Variants in ACSM1 observed in about 807,000 individuals in gnomAD.
ACSM1 encodes acyl-CoA synthetase medium chain family member 1.
In ACSM1, 79 loss-of-function variants were observed where a neutral mutation model predicts 75.8. The observed-to-expected ratio is 1.04, with a 90% confidence interval of 0.87 to 1.26. The LOEUF (loss-of-function observed/expected upper bound fraction) is 1.26, where lower values mean the gene tolerates loss of function less well. ACSM1 is among the 50% of genes most tolerant of loss of function. The pLI, the probability that ACSM1 is intolerant of heterozygous loss-of-function variation, is 0.00. For missense variants in ACSM1, 676 were observed against 720.1 expected, an observed-to-expected ratio of 0.94 and a Z score of 0.70; for synonymous variants, 279 against 265.8, an observed-to-expected ratio of 1.05 and a Z score of -0.48.
chr16:20,661,035 T>C (rs757039483), intron 7 of ACSM1, among the ~76,000 whole-genome samples: 9 of 152,170 alleles, frequency 5.9e-5, no homozygotes, highest in South Asian at 2.1e-4. Context: ...TGTATCAGTG[T>C]GACCCGCAAT....
intron 2 of ACSM1, among the ~76,000 whole-genome samples, chr16:20,689,339 G>A (rs1276718124): frequency 6.6e-6 from 1 of 151,992 alleles, no homozygotes; most frequent in South Asian, 2.1e-4. Context: ...ATCAAAGTGT[G>A]TCACTACAAA....
chr16:20,665,235 AT>A (rs1356715294), intron 6 of ACSM1, among the ~76,000 whole-genome samples: 1 of 152,186 alleles, frequency 6.6e-6, no homozygotes, highest in Non-Finnish European at 1.5e-5. Context: ...AATAAACAAT[AT>A]TGATAGACTG....
chr16:20,624,119 C>T lies in ACSM1; in HGVS notation c.1624G>A (p.Ala542Thr). Reference protein sequence around the residue: ...ELQQHVKSVTAPYKYPRKVEF... With the variant: ...ELQQHVKSVTTPYKYPRKVEF... ...ACCTTCCTTGGGTACTTGTATGGGG[C>T]TGTCACTGACTTGACATGCTGCTGC... Residue 542 changes from alanine (A) to threonine (T), a missense_variant, in exon 13 of 14, where the codon GCC becomes ACC. By Grantham distance (58) the Ala-to-Thr change is moderately conservative. Transcript: ENST00000520010. 6.2e-7 allele frequency: 1 copy of T among 1,613,074 alleles called. No individual in the cohort carries two copies. Among genetic ancestry groups the T allele is most frequent in the Non-Finnish European group, 8.5e-7 (1 of 1,179,294 alleles).
chr16:20,653,713 C>G (rs1272698737), intron 7 of ACSM1, among the ~76,000 whole-genome samples: 1 of 152,144 alleles, frequency 6.6e-6, no homozygotes, highest in East Asian at 1.9e-4. Context: ...TGAAGGACCT[C>G]TTCAAGGAGA....
chr16:20,678,230 A>G (rs1004377620), intron 4 of ACSM1, among the ~76,000 whole-genome samples: 1 of 152,062 alleles, frequency 6.6e-6, no homozygotes, highest in Admixed American at 6.5e-5. Flanking sequence ...GAGGCTAGCC[A>G]TCCCTGAAAC....
intron 6 of ACSM1, among the ~76,000 whole-genome samples, chr16:20,663,074 A>G (rs1426089191): frequency 6.6e-6 from 1 of 152,068 alleles, no homozygotes; most frequent in African/African-American, 2.4e-5. Flanking sequence ...GGCCTTTGGG[A>G]CACCAATCTC....
chr16:20,635,298 G>T (rs372354363), intron 10 of ACSM1, among the ~76,000 whole-genome samples: 4 of 152,208 alleles, frequency 2.6e-5, no homozygotes, highest in Non-Finnish European at 5.9e-5. Flanking sequence ...GGGAGGCTGA[G>T]TTGGGAATAT....
At chr16:20,694,848 G>A (rs2079681167) in intron 1 of ACSM1, among the ~76,000 whole-genome samples, 1 of 152,140 alleles carries the variant, frequency 6.6e-6, no homozygotes. Context: ...TATGACTGGT[G>A]TCCTTATAAA....
At position 20,685,271 on chromosome 16, in the gene ACSM1, G is replaced by T. The variant is rs1358261947; in HGVS notation, c.325C>A (p.Gln109Lys). Residue 109 changes from glutamine to lysine, a missense_variant, in exon 3 of 14, where the codon CAA (glutamine) becomes AAA (lysine). By Grantham distance (53) the Gln-to-Lys change is moderately conservative. Transcript: ENST00000520010. The stretch of plus-strand genomic sequence containing the variant: ...ATCAAGGCCAGATGGTCTCCCTGTT[G>T]TAGGCCACAGGTCTGTGTGAAGACG... Reference protein sequence around the residue: ...ANVFTQTCGLQQGDHLALMLP... With the variant: ...ANVFTQTCGLKQGDHLALMLP... 1.2e-6 allele frequency: 2 copies of T among 1,614,206 alleles called. No individual in the cohort carries two copies. The highest frequency in any genetic ancestry group is 2.2e-5 in the East Asian group (1 of 44,878).
At chr16:20,695,554 G>A (rs1424569614) in intron 1 of ACSM1, among the ~76,000 whole-genome samples, 4 of 151,238 alleles carry the variant, frequency 2.6e-5, no homozygotes, top group Non-Finnish European at 5.9e-5. Context: ...CTGATTATCT[G>A]TCTATCTATC....
At chr16:20,633,202 T>C (rs2017454627) in intron 10 of ACSM1, among the ~76,000 whole-genome samples, 1 of 152,148 alleles carries the variant, frequency 6.6e-6, no homozygotes, top group African/African-American at 2.4e-5. Context: ...GCATCTGAAT[T>C]GGAAAGATGA....
intron 4 of ACSM1, among the ~76,000 whole-genome samples, chr16:20,678,831 A>C (rs146651577): frequency 2.5e-3 from 376 of 152,356 alleles, no homozygotes; most frequent in African/African-American, 8.2e-3. Context: ...AGGTAGGATC[A>C]GGTCTTGCCC....
At chr16:20,656,456 C>A (rs80309354) in intron 7 of ACSM1, among the ~76,000 whole-genome samples, 4,152 of 152,052 alleles carry the variant, frequency 0.027, 178 homozygotes, top group African/African-American at 0.095. Flanking sequence ...GCACCCCACC[C>A]CACCGAGTGG....
At chr16:20,630,484 A>G (rs1291944387) in intron 10 of ACSM1, among the ~76,000 whole-genome samples, 2 of 152,240 alleles carry the variant, frequency 1.3e-5, no homozygotes, top group Non-Finnish European at 2.9e-5. Context: ...ATAATCATAA[A>G]CATATAAGCA....
chr16:20,647,188 G>A (rs1350689721), intron 7 of ACSM1, among the ~76,000 whole-genome samples: 1 of 152,198 alleles, frequency 6.6e-6, no homozygotes, highest in Non-Finnish European at 1.5e-5. Flanking sequence ...TGTTTTTGCA[G>A]GAGATAAATG....
At chr16:20,669,794 A>C in intron 6 of ACSM1, 33 bp downstream of exon 6, 3 of 1,598,734 alleles carry the variant, frequency 1.9e-6, no homozygotes, top group Non-Finnish European at 1.7e-6. Flanking sequence ...TTTTTCTGGA[A>C]TTTTGCTGAT....
At chr16:20,623,669 G>T in intron 13 of ACSM1, 97 bp from the exon 14 acceptor site, 3 of 1,228,156 alleles carry the variant, frequency 2.4e-6, no homozygotes, top group Non-Finnish European at 3.5e-6. Context: ...AGTCTCCCAT[G>T]CAGGCTGACA....
At chr16:20,632,473 C>T (rs1284101225) in intron 10 of ACSM1, among the ~76,000 whole-genome samples, 1 of 151,994 alleles carries the variant, frequency 6.6e-6, no homozygotes. Flanking sequence ...CACAATCTAC[C>T]AAAAACAGGA....
chr16:20,695,971 C>G lies in ACSM1; in HGVS notation c.-52+1665G>C, dbSNP rs185467340. On this transcript the variant is annotated intron_variant, in intron 1 of 13. Coordinates refer to ENST00000520010, the MANE Select transcript of ACSM1 (RefSeq NM_001318890.3). ...CATTGTCAGTGATGGATCACATATA[C>G]AGAGTGGCCCATACAATTATAATGA... 2.0e-5 allele frequency among the ~76,000 whole-genome samples: 3 copies of G among 152,324 alleles called. No homozygotes were observed. In the East Asian group the frequency reaches 5.8e-4, roughly 29 times the overall value.
Sources: allele counts gnomAD v4.1 joint callset (sites outside exome capture counted in the v4.1 genomes callset), GRCh38; gene constraint gnomAD v4.1.1; transcripts MANE v1.5; gene names NCBI Gene and HGNC (gene_info 2026-07-23, HGNC 2026-07-21).